The following CDH12 variants were observed in gnomAD, a reference collection of about 807,000 sequenced individuals.
CDH12 encodes the protein cadherin-12.
A neutral mutation model predicts 74.1 loss-of-function variants in CDH12; 41 were observed. The observed-to-expected ratio is 0.55, with a 90% confidence interval of 0.43 to 0.72. CDH12 has a LOEUF of 0.72. CDH12 is among the 30% of genes least tolerant of loss of function. The pLI, the probability that CDH12 is intolerant of heterozygous loss-of-function variation, is 0.00. For missense variants in CDH12, 945 were observed against 977.2 expected, an observed-to-expected ratio of 0.97 and a Z score of 0.44; for synonymous variants, 399 against 355.0, an observed-to-expected ratio of 1.12 and a Z score of -1.39.
At chr5:21,911,131 C>T (rs1304146761) in intron 6 of CDH12, among the ~76,000 whole-genome samples, 1 of 152,134 alleles carries the variant, frequency 6.6e-6, no homozygotes, top group Non-Finnish European at 1.5e-5. Context: ...AAAAAGTCCC[C>T]AGACAGAGAT....
intron 5 of CDH12, among the ~76,000 whole-genome samples, chr5:22,059,252 ACTC>A (rs1740984926): frequency 8.7e-6 from 1 of 114,942 alleles, no homozygotes; most frequent in Non-Finnish European, 1.8e-5. Flanking sequence ...TTTTCCTTGT[ACTC>A]TATCTATCTA....
intron 5 of CDH12, among the ~76,000 whole-genome samples, chr5:21,988,056 G>T (rs1242695132): frequency 2.0e-5 from 3 of 152,048 alleles, no homozygotes; most frequent in Non-Finnish European, 4.4e-5. Flanking sequence ...ATCACCTATT[G>T]TATTAGTAAC....
At chr5:22,515,985 A>T (rs1736792767) in intron 1 of CDH12, among the ~76,000 whole-genome samples, 1 of 152,122 alleles carries the variant, frequency 6.6e-6, no homozygotes, top group Admixed American at 6.6e-5. Context: ...TTAAGAAAAA[A>T]TAACCTTATA....
intron 4 of CDH12, among the ~76,000 whole-genome samples, chr5:22,086,739 G>GA (rs920943143): frequency 3.6e-4 from 52 of 142,964 alleles, no homozygotes; most frequent in East Asian, 2.2e-3. Flanking sequence ...TACAAGCCAA[G>GA]AAAAAAAAAA....
At chr5:21,800,439 AG>A (rs1747047577) in intron 10 of CDH12, among the ~76,000 whole-genome samples, 1 of 152,034 alleles carries the variant, frequency 6.6e-6, no homozygotes, top group Non-Finnish European at 1.5e-5. Context: ...GGCATTTGGG[AG>A]GTAATTAGTT....
chr5:22,430,453 A>C (rs1420019340), intron 2 of CDH12, among the ~76,000 whole-genome samples: 1 of 152,214 alleles, frequency 6.6e-6, no homozygotes, highest in African/African-American at 2.4e-5. Flanking sequence ...AAATTAGCAG[A>C]ATTGAAATAG....
At chr5:22,417,882 C>T (rs1580626924) in intron 2 of CDH12, among the ~76,000 whole-genome samples, 1 of 150,992 alleles carries the variant, frequency 6.6e-6, no homozygotes, top group Non-Finnish European at 1.5e-5. Context: ...CATTACCTTG[C>T]AGTTTGAATA....
At chr5:22,233,984 A>G (rs923973403) in intron 3 of CDH12, among the ~76,000 whole-genome samples, 9 of 152,196 alleles carry the variant, frequency 5.9e-5, no homozygotes, top group African/African-American at 2.2e-4. Flanking sequence ...ATTAGTTTAT[A>G]TAAAACAAAG....
intron 1 of CDH12, among the ~76,000 whole-genome samples, chr5:22,755,580 A>G (rs1157156351): frequency 2.6e-5 from 4 of 152,158 alleles, no homozygotes; most frequent in African/African-American, 9.6e-5. Context: ...AAATAAAGCC[A>G]ATATGTAAGA....
intron 1 of CDH12, among the ~76,000 whole-genome samples, chr5:22,530,154 C>G (rs776586463): frequency 1.3e-5 from 2 of 152,058 alleles, no homozygotes; most frequent in Non-Finnish European, 2.9e-5. Flanking sequence ...AGAGTAAGTT[C>G]CTTCTGAAGA....
intron 4 of CDH12, among the ~76,000 whole-genome samples, chr5:22,136,629 T>A (rs1042455280): frequency 2.0e-5 from 3 of 151,144 alleles, no homozygotes; most frequent in African/African-American, 7.3e-5. Flanking sequence ...TACAAAAGTC[T>A]AATATGTGCA....
Position 22,260,843 on chromosome 5 carries a change from G to A in CDH12, c.-332-48200C>T, listed in dbSNP as rs576997019. On this transcript the variant is annotated intron_variant, in intron 3 of 14. Transcript: ENST00000382254. ...AAATCAAATTGTCTTTTTATAAGTG[G>A]GAATGACTTGAAAAACCCAACAGCT... 8.0e-4 allele frequency among the ~76,000 whole-genome samples: 122 copies of A among 151,830 alleles called. 2 individuals are homozygous for A. The highest frequency in any genetic ancestry group is 2.8e-3 in the African/African-American group (114 of 41,446).
Position 22,562,331 on chromosome 5 carries a change from A to AAAC in CDH12, c.-522-56968_-522-56967insGTT, listed in dbSNP as rs752867477. ...GACTCCGTCTCAAAAACAAAAACAA[A>AAAC]AAACAAACAAACAAAAAAAAACATA... is the stretch of plus-strand genomic sequence containing the variant. On this transcript the variant is annotated intron_variant, in intron 1 of 14. Transcript: ENST00000382254. Among the ~76,000 whole-genome samples the AAAC allele has an allele frequency of 2.7e-3, 411 of 152,186 alleles. 6 individuals are homozygous for AAAC. Among genetic ancestry groups the AAAC allele is most frequent in the African/African-American group, 7.5e-3 (311 of 41,518 alleles).
intron 5 of CDH12, among the ~76,000 whole-genome samples, chr5:22,044,980 AGAAT>A (rs1367109385): frequency 2.0e-5 from 3 of 152,226 alleles, no homozygotes; most frequent in African/African-American, 7.2e-5. Flanking sequence ...ATGAAACAAT[AGAAT>A]GAATAGACAA....
intron 1 of CDH12, among the ~76,000 whole-genome samples, chr5:22,576,090 C>T (rs1739775730): frequency 6.6e-6 from 1 of 152,170 alleles, no homozygotes; most frequent in Admixed American, 6.5e-5. Flanking sequence ...CCCCATCTCA[C>T]TTTGTGTTCC....
At chr5:22,642,018 C>G (rs1426842913) in intron 1 of CDH12, among the ~76,000 whole-genome samples, 3 of 152,056 alleles carry the variant, frequency 2.0e-5, no homozygotes, top group Non-Finnish European at 2.9e-5. Context: ...AATGAGATCT[C>G]AAATATTTGC....
At chr5:21,916,808 AC>A (rs1303586451) in intron 6 of CDH12, among the ~76,000 whole-genome samples, 1 of 152,130 alleles carries the variant, frequency 6.6e-6, no homozygotes, top group Non-Finnish European at 1.5e-5. Flanking sequence ...CCTAGGAGAT[AC>A]CCCACTAGGC....
chr5:22,078,103 A>G (rs1350829499), intron 5 of CDH12, among the ~76,000 whole-genome samples: 1 of 152,110 alleles, frequency 6.6e-6, no homozygotes, highest in Non-Finnish European at 1.5e-5. Flanking sequence ...AATAAAAATG[A>G]TATAACTATA....
chr5:21,769,134 G>A (rs2149880859), intron 11 of CDH12, among the ~76,000 whole-genome samples: 1 of 152,142 alleles, frequency 6.6e-6, no homozygotes, highest in South Asian at 2.1e-4. Context: ...GATAAAGTAT[G>A]TCTGTGAGAA....
Sources: allele counts gnomAD v4.1 joint callset (sites outside exome capture counted in the v4.1 genomes callset), GRCh38; gene constraint gnomAD v4.1.1; transcripts MANE v1.5; gene names NCBI Gene and HGNC (gene_info 2026-07-23, HGNC 2026-07-21).